The following DACH1 variants were observed in gnomAD, a reference collection of about 807,000 sequenced individuals.
DACH1 encodes the protein dachshund family transcription factor 1, also known as dachshund homolog 1.
DACH1 carries 12 observed loss-of-function variants against 54.2 expected under a neutral mutation model. The observed-to-expected ratio is 0.22, with a 90% CI of 0.14 to 0.36. The LOEUF is 0.36. Among genes scored for constraint, DACH1 ranks in the 10% least tolerant of loss-of-function variants. The pLI is 1.00. For missense variants in DACH1, 805 were observed against 929.8 expected (o/e 0.87, Z 1.75); for synonymous variants, 386 against 366.2 (o/e 1.05, Z -0.62).
chr13:71,785,834 C>T (rs1886569050), intron 1 of DACH1, among the ~76,000 whole-genome samples: 1 of 152,178 alleles, frequency 6.6e-6, no homozygotes, highest in African/African-American at 2.4e-5. Context: ...ACTAACCAAT[C>T]CCATGCTACT....
At chr13:71,810,880 G>A (rs1164522194) in intron 1 of DACH1, among the ~76,000 whole-genome samples, 2 of 152,014 alleles carry the variant, frequency 1.3e-5, no homozygotes, top group Admixed American at 1.3e-4. Context: ...TTGCTTAGTT[G>A]CTAATTCCCA....
chr13:71,720,759 G>A (rs1883195587), intron 1 of DACH1, among the ~76,000 whole-genome samples: 1 of 152,098 alleles, frequency 6.6e-6, no homozygotes, highest in Non-Finnish European at 1.5e-5. Context: ...GTAAAAACAT[G>A]ATACATGATA....
chr13:71,742,529 A>T (rs1242697975), intron 1 of DACH1, among the ~76,000 whole-genome samples: 6 of 152,096 alleles, frequency 3.9e-5, no homozygotes, highest in Non-Finnish European at 8.8e-5. Context: ...TATTTACTCC[A>T]TTGGGGAAAA....
chr13:71,693,296 CTTTT>C lies in DACH1; in HGVS notation c.849-11390_849-11387del, dbSNP rs869289138. ...AATACCCTCTTATCCATTTGTTTTG[CTTTT>C]TTTTTTTTTTTTTTTTTTTGAGACA... is the stretch of plus-strand genomic sequence containing the variant. On this transcript the variant is annotated intron_variant, in intron 1 of 10. Transcript: ENST00000613252. Among the ~76,000 whole-genome samples the C allele has an allele frequency of 8.8e-5, 8 of 90,962 alleles. No individual in the cohort carries two copies. In the East Asian group the frequency reaches 1.5e-3, roughly 17 times the overall value. 59.7% of individuals were successfully genotyped at this position (90,962 alleles called of 152,430 possible).
chr13:71,527,575 G>A (rs947065718), intron 6 of DACH1, among the ~76,000 whole-genome samples: 5 of 152,038 alleles, frequency 3.3e-5, no homozygotes, highest in African/African-American at 7.2e-5. Flanking sequence ...CTTCCGTATC[G>A]GTCCTTCATC....
intron 6 of DACH1, among the ~76,000 whole-genome samples, chr13:71,506,872 G>T (rs1293410197): frequency 1.3e-5 from 2 of 151,122 alleles, no homozygotes; most frequent in Non-Finnish European, 1.5e-5. Context: ...GCTGAAACTG[G>T]ATCCCTTCCT....
intron 1 of DACH1, among the ~76,000 whole-genome samples, chr13:71,827,533 C>T (rs1383092351): frequency 6.6e-6 from 1 of 151,990 alleles, no homozygotes; most frequent in Non-Finnish European, 1.5e-5. Flanking sequence ...GCAGAAGCGC[C>T]AGCAGACCCA....
At chr13:71,483,878 A>T (rs938198439) in intron 7 of DACH1, among the ~76,000 whole-genome samples, 1 of 152,190 alleles carries the variant, frequency 6.6e-6, no homozygotes, top group Admixed American at 6.5e-5. Context: ...GCCTAGGAGC[A>T]ATAGGGTATA....
chr13:71,588,309 T>C (rs536159519), intron 3 of DACH1, among the ~76,000 whole-genome samples: 1 of 152,230 alleles, frequency 6.6e-6, no homozygotes, highest in African/African-American at 2.4e-5. Flanking sequence ...TCAAAATGTG[T>C]CTTCTAAAAA....
chr13:71,693,636 T>G (rs1011529310), intron 1 of DACH1, among the ~76,000 whole-genome samples: 2 of 152,046 alleles, frequency 1.3e-5, no homozygotes, highest in Non-Finnish European at 2.9e-5. Context: ...CTTTTCGAGT[T>G]CAGTTACCAG....
intron 10 of DACH1, among the ~76,000 whole-genome samples, chr13:71,459,156 T>C (rs1205948503): frequency 6.6e-6 from 1 of 151,918 alleles, no homozygotes; most frequent in East Asian, 1.9e-4. Flanking sequence ...TGCTTAACTT[T>C]TAATGCAGTA....
intron 1 of DACH1, among the ~76,000 whole-genome samples, chr13:71,829,542 G>C (rs554095385): frequency 1.3e-5 from 2 of 151,978 alleles, no homozygotes; most frequent in East Asian, 3.9e-4. Flanking sequence ...CCTAGGCTTT[G>C]ACTTCTTTAA....
chr13:71,829,273 CA>C (rs1490889470), intron 1 of DACH1, among the ~76,000 whole-genome samples: 1 of 151,708 alleles, frequency 6.6e-6, no homozygotes, highest in Non-Finnish European at 1.5e-5. Flanking sequence ...AAATGTAAGA[CA>C]AAACATATGG....
At chr13:71,636,592 C>T (rs939842345) in intron 2 of DACH1, among the ~76,000 whole-genome samples, 12 of 149,142 alleles carry the variant, frequency 8.0e-5, no homozygotes, top group African/African-American at 2.5e-4. Flanking sequence ...TTTTTCACTG[C>T]GTAAAAATGG....
chr13:71,729,563 G>A (rs1401003215), intron 1 of DACH1, among the ~76,000 whole-genome samples: 3 of 152,032 alleles, frequency 2.0e-5, no homozygotes, highest in South Asian at 4.1e-4. Flanking sequence ...ATACTGCTAT[G>A]TATGTTACAT....
intron 6 of DACH1, among the ~76,000 whole-genome samples, chr13:71,519,737 T>C (rs1881429795): frequency 6.7e-6 from 1 of 150,194 alleles, no homozygotes; most frequent in Non-Finnish European, 1.5e-5. Context: ...ACAACATAAG[T>C]ACAAAATGAA....
At chr13:71,763,646 C>T (rs1292704273) in intron 1 of DACH1, among the ~76,000 whole-genome samples, 2 of 152,074 alleles carry the variant, frequency 1.3e-5, no homozygotes, top group East Asian at 1.9e-4. Context: ...TACAGGTGCA[C>T]ATTACTGCAC....
intron 2 of DACH1, among the ~76,000 whole-genome samples, chr13:71,650,481 T>C (rs1001504059): frequency 2.0e-5 from 3 of 152,156 alleles, no homozygotes; most frequent in Non-Finnish European, 4.4e-5. Flanking sequence ...AGTTAAAATA[T>C]TTAATTTTTA....
intron 6 of DACH1, 113 bp from the exon 7 acceptor site, chr13:71,489,261 G>A: frequency 1.7e-6 from 2 of 1,180,972 alleles, no homozygotes; most frequent in Non-Finnish European, 2.4e-6. Flanking sequence ...ATTGGTTCCT[G>A]CTATCAGGAG....
Sources: gnomAD v4.1 joint callset for allele counts (sites outside exome capture counted in the v4.1 genomes callset) on GRCh38, gnomAD v4.1.1 for gene constraint, MANE v1.5 for transcripts, NCBI Gene and HGNC (gene_info 2026-07-23, HGNC 2026-07-21) for gene names.